The following ELOVL6 variants were observed in gnomAD, a reference collection of about 807,000 sequenced individuals.
ELOVL6 encodes the protein ELOVL fatty acid elongase 6.
In ELOVL6, 8 loss-of-function variants were observed where a neutral mutation model predicts 31.7. The observed-to-expected ratio is 0.25, with a 90% CI of 0.15 to 0.45. The LOEUF is 0.45. ELOVL6 is among the 20% of genes least tolerant of loss of function. ELOVL6 has a pLI of 1.00. For missense variants in ELOVL6, 126 were observed against 326.4 expected, an observed-to-expected ratio of 0.39 and a Z score of 4.73; for synonymous variants, 101 against 117.7, an observed-to-expected ratio of 0.86 and a Z score of 0.92.
chr4:110,181,111 G>A (rs1560860574), intron 1 of ELOVL6, among the ~76,000 whole-genome samples: 3 of 151,630 alleles, frequency 2.0e-5, no homozygotes, highest in East Asian at 3.9e-4. Context: ...ATCCTCCAGC[G>A]TGGGAGACAG....
chr4:110,170,099 G>A (rs1758901198), intron 1 of ELOVL6, among the ~76,000 whole-genome samples: 1 of 151,890 alleles, frequency 6.6e-6, no homozygotes. Context: ...ATAGGCGTGA[G>A]CCACTGAGCC....
At chr4:110,075,628 C>G (rs1429379651) in intron 2 of ELOVL6, among the ~76,000 whole-genome samples, 1 of 152,108 alleles carries the variant, frequency 6.6e-6, no homozygotes, top group African/African-American at 2.4e-5. Context: ...GAGGAGTTTT[C>G]ACTTAATGGG....
At chr4:110,179,341 C>G (rs750860173) in intron 1 of ELOVL6, among the ~76,000 whole-genome samples, 3 of 151,752 alleles carry the variant, frequency 2.0e-5, no homozygotes, top group Non-Finnish European at 4.4e-5. Flanking sequence ...CCCATCTCTA[C>G]TAAAAATACA....
At chr4:110,143,412 G>A (rs1278678908) in intron 1 of ELOVL6, among the ~76,000 whole-genome samples, 3 of 152,060 alleles carry the variant, frequency 2.0e-5, no homozygotes, top group Non-Finnish European at 4.4e-5. Context: ...AATAAGGTCA[G>A]AAAATTTCAT....
chr4:110,084,488 G>A (rs113464469), intron 2 of ELOVL6, among the ~76,000 whole-genome samples: 26,384 of 40,838 alleles, frequency 0.65, 7,136 homozygotes, highest in African/African-American at 0.74. Context: ...ACACTATAAT[G>A]TATACACATA....
chr4:110,145,726 C>A (rs1049321699), intron 1 of ELOVL6, among the ~76,000 whole-genome samples: 3 of 151,290 alleles, frequency 2.0e-5, no homozygotes, highest in African/African-American at 7.3e-5. Flanking sequence ...ACAAAGAAAC[C>A]ACCGATAACA....
chr4:110,084,269 TGA>T (rs1756094927), intron 2 of ELOVL6, among the ~76,000 whole-genome samples: 1 of 114,084 alleles, frequency 8.8e-6, no homozygotes, highest in Non-Finnish European at 1.6e-5. Flanking sequence ...AGCTTATATG[TGA>T]TATATAACAT....
chr4:110,136,239 A>C (rs1374052413), intron 1 of ELOVL6, among the ~76,000 whole-genome samples: 1 of 152,220 alleles, frequency 6.6e-6, no homozygotes, highest in Non-Finnish European at 1.5e-5. Flanking sequence ...GAAAACACCC[A>C]GCATTAGGAA....
intron 2 of ELOVL6, chr4:110,093,146 AGATAT>A (rs1450824981): frequency 6.7e-6 from 3 of 447,170 alleles, no homozygotes; most frequent in South Asian, 4.8e-5. Context: ...TGTAATGCAA[AGATAT>A]TACAGAAGTC....
chr4:110,103,181 C>T (rs371018589), intron 2 of ELOVL6, among the ~76,000 whole-genome samples: 26 of 152,070 alleles, frequency 1.7e-4, no homozygotes, highest in East Asian at 1.2e-3. Flanking sequence ...TTCCCAGTTT[C>T]GGGTATGTCT....
chr4:110,081,662 C>T (rs1755856126), intron 2 of ELOVL6, among the ~76,000 whole-genome samples: 2 of 151,118 alleles, frequency 1.3e-5, no homozygotes, highest in South Asian at 2.1e-4. Flanking sequence ...CTAGGCAATA[C>T]CATTCAGGAC....
At chr4:110,197,558 T>G (rs1215753678) in intron 1 of ELOVL6, among the ~76,000 whole-genome samples, 1 of 152,096 alleles carries the variant, frequency 6.6e-6, no homozygotes, top group Non-Finnish European at 1.5e-5. Context: ...ATGGCGTGGC[T>G]CCACTCGCTC....
intron 1 of ELOVL6, among the ~76,000 whole-genome samples, chr4:110,169,243 G>GC (rs1758871333): frequency 7.3e-6 from 1 of 137,896 alleles, no homozygotes; most frequent in South Asian, 2.3e-4. Flanking sequence ...TTTTTGTTTT[G>GC]TTTTTTTTTT....
At chr4:110,131,537 A>C (rs1757669959) in intron 1 of ELOVL6, among the ~76,000 whole-genome samples, 2 of 152,226 alleles carry the variant, frequency 1.3e-5, no homozygotes, top group African/African-American at 2.4e-5. Context: ...ACATTTACTC[A>C]ATATCTATAA....
intron 1 of ELOVL6, among the ~76,000 whole-genome samples, chr4:110,191,403 A>G (rs1423432376): frequency 2.0e-5 from 3 of 152,190 alleles, no homozygotes; most frequent in African/African-American, 7.2e-5. Flanking sequence ...ACCCTCCTAA[A>G]AAAGATAAAT....
chr4:110,113,100 C>T (rs192263498), intron 1 of ELOVL6, among the ~76,000 whole-genome samples: 98 of 149,764 alleles, frequency 6.5e-4, no homozygotes, highest in African/African-American at 2.2e-3. Context: ...TGGTGGCAGG[C>T]GCCTGTAATC....
At chr4:110,061,849 T>A (rs777587866) in intron 2 of ELOVL6, among the ~76,000 whole-genome samples, 17 of 152,152 alleles carry the variant, frequency 1.1e-4, no homozygotes, top group Non-Finnish European at 2.5e-4. Flanking sequence ...ACCCTTCCTC[T>A]TACTCTACTT....
chr4:110,092,162 G>A (rs558868541), intron 2 of ELOVL6, among the ~76,000 whole-genome samples: 29 of 152,236 alleles, frequency 1.9e-4, no homozygotes, highest in Non-Finnish European at 3.2e-4. Context: ...AAGAGTTGCC[G>A]GTTTCAAGGA....
chr4:110,116,885 C>A (rs1029771360), intron 1 of ELOVL6, among the ~76,000 whole-genome samples: 3 of 152,244 alleles, frequency 2.0e-5, no homozygotes, highest in Non-Finnish European at 2.9e-5. Flanking sequence ...CTCCTTCTTT[C>A]CTGCAATGCT....
Sources: gnomAD v4.1 joint callset for allele counts (sites outside exome capture counted in the v4.1 genomes callset) on GRCh38, gnomAD v4.1.1 for gene constraint, MANE v1.5 for transcripts, NCBI Gene and HGNC (gene_info 2026-07-23, HGNC 2026-07-21) for gene names.